Variants in CDH19 observed in about 807,000 individuals in gnomAD.
CDH19 encodes the protein cadherin 19, also known as cadherin-19.
A neutral mutation model predicts 64.2 loss-of-function variants in CDH19; 67 were observed. That is an observed-to-expected ratio of 1.04 (90% CI 0.86 to 1.28). CDH19 has a LOEUF of 1.28. CDH19 is among the 50% of genes most tolerant of loss of function. The pLI is 0.00. For missense variants in CDH19, 1,030 were observed against 929.0 expected (o/e 1.11, Z -1.41); for synonymous variants, 346 against 319.3 (o/e 1.08, Z -0.89).
intron 5 of CDH19, among the ~76,000 whole-genome samples, chr18:66,548,280 A>G (rs1987212465): frequency 6.8e-6 from 1 of 147,846 alleles, no homozygotes; most frequent in Non-Finnish European, 1.5e-5. Context: ...AAAATATATA[A>G]TATATGAAGT....
intron 11 of CDH19, among the ~76,000 whole-genome samples, chr18:66,508,282 G>A (rs1417130394): frequency 9.2e-5 from 14 of 151,866 alleles, no homozygotes; most frequent in African/African-American, 2.4e-5. Context: ...AAGACACAAA[G>A]TTTCAGTTAG....
intron 1 of CDH19, among the ~76,000 whole-genome samples, chr18:66,579,636 G>T (rs1988367449): frequency 6.6e-6 from 1 of 151,994 alleles, no homozygotes; most frequent in Non-Finnish European, 1.5e-5. Context: ...GAAAGATATT[G>T]CTCTAGATTA....
At chr18:66,535,320 T>C (rs1199651704) in intron 7 of CDH19, among the ~76,000 whole-genome samples, 1 of 151,612 alleles carries the variant, frequency 6.6e-6, no homozygotes, top group Non-Finnish European at 1.5e-5. Context: ...TAGATTTAAA[T>C]TGATGGATGC....
chr18:66,578,894 TTG>T (rs1486049126), intron 1 of CDH19, among the ~76,000 whole-genome samples: 1 of 151,744 alleles, frequency 6.6e-6, no homozygotes, highest in Non-Finnish European at 1.5e-5. Context: ...CAAATTCAGG[TTG>T]TGTGTTTCCT....
In CDH19 at chr18:66,600,514, G is replaced by C. The variant is rs538427301; in HGVS notation, c.-113+3440C>G. 5.3e-5 allele frequency among the ~76,000 whole-genome samples: 8 copies of C among 151,664 alleles called. No individual in the cohort carries two copies. In the South Asian group the frequency reaches 1.7e-3, roughly 32 times the overall value. The stretch of plus-strand genomic sequence containing the variant: ...TTAAGAATTGTATGTTTTAAACACT[G>C]GTTTAAAAATGCAATACACACACAC... On this transcript the variant is annotated intron_variant, in intron 1 of 11. Transcript: ENST00000262150.
At chr18:66,593,111 A>G (rs1446131455) in intron 1 of CDH19, among the ~76,000 whole-genome samples, 2 of 151,770 alleles carry the variant, frequency 1.3e-5, no homozygotes, top group Non-Finnish European at 2.9e-5. Flanking sequence ...GGGTGAAATA[A>G]TATCTCATTG....
chr18:66,509,181 T>A lies in CDH19; in HGVS notation c.1642A>T (p.Ile548Phe), dbSNP rs1013855720. ...FNLQEEPVFY[I>F]SILIADNGIP... Reference sequence around the variant, plus strand: ...CCATTGTCGGCAATTAAGATGGAGATGTAGAAGACAGGTTCTTCTTGAAGG... The same window carrying A: ...CCATTGTCGGCAATTAAGATGGAGAAGTAGAAGACAGGTTCTTCTTGAAGG... The change falls in exon 11 of 12, where the codon ATC becomes TTC. Residue 548 changes from isoleucine to phenylalanine, a missense_variant. Ile to Phe is a conservative substitution (Grantham distance 21, BLOSUM62 0). Coordinates refer to ENST00000262150, the MANE Select transcript of CDH19 (RefSeq NM_021153.4). 1 of 1,612,746 alleles carries A rather than the reference T, an allele frequency of 6.2e-7. No homozygotes were observed. Among genetic ancestry groups the A allele is most frequent in the Admixed American group, 1.7e-5 (1 of 59,842 alleles).
intron 3 of CDH19, among the ~76,000 whole-genome samples, chr18:66,563,377 T>G (rs1987793387): frequency 6.6e-6 from 1 of 152,068 alleles, no homozygotes; most frequent in African/African-American, 2.4e-5. Context: ...AGATATAAAT[T>G]TAATGGAAAA....
intron 3 of CDH19, among the ~76,000 whole-genome samples, chr18:66,564,894 T>C (rs1987852539): frequency 6.6e-6 from 1 of 151,666 alleles, no homozygotes; most frequent in South Asian, 2.1e-4. Context: ...TTATAAGGTT[T>C]TAGGTAAAAC....
Position 66,543,657 on chromosome 18 carries a change from G to A in CDH19, c.1214+314C>T, listed in dbSNP as rs540572296. 3.0e-4 allele frequency among the ~76,000 whole-genome samples: 46 copies of A among 152,142 alleles called. 2 individuals are homozygous for A. The highest frequency in any genetic ancestry group is 1.1e-3 in the African/African-American group (45 of 41,548). ...GCCAGCATTTTGGGAGGCCGAGGCC[G>A]GTGGATCACGAGGTCAGGAGTTCGA... On this transcript the variant is annotated intron_variant, in intron 7 of 11. Transcript: ENST00000262150.
intron 1 of CDH19, among the ~76,000 whole-genome samples, chr18:66,575,971 TG>T: frequency 6.6e-6 from 1 of 151,708 alleles, no homozygotes; most frequent in South Asian, 2.1e-4. Flanking sequence ...ATATATAAAG[TG>T]GTATGATATA....
intron 8 of CDH19, chr18:66,532,552 C>A: frequency 1.4e-5 from 4 of 282,950 alleles, no homozygotes; most frequent in South Asian, 6.4e-5. Flanking sequence ...AAAAAAAAAG[C>A]TTTGTATGTA....
At chr18:66,595,888 C>T (rs1568215141) in intron 1 of CDH19, among the ~76,000 whole-genome samples, 1 of 152,032 alleles carries the variant, frequency 6.6e-6, no homozygotes, top group Non-Finnish European at 1.5e-5. Context: ...GGCCAATATC[C>T]TGGTGAACAT....
At chr18:66,558,178 T>TAA (rs936744359) in intron 3 of CDH19, among the ~76,000 whole-genome samples, 8 of 147,740 alleles carry the variant, frequency 5.4e-5, no homozygotes, top group Non-Finnish European at 1.2e-4. Context: ...TATATATATA[T>TAA]AATATATATA....
chr18:66,517,604 T>C (rs1356728763), intron 9 of CDH19, among the ~76,000 whole-genome samples: 2 of 152,030 alleles, frequency 1.3e-5, no homozygotes, highest in African/African-American at 4.8e-5. Flanking sequence ...TCCTCCAGAG[T>C]AGAGTGTGAC....
At position 66,509,032 on chromosome 18, in the gene CDH19, G is replaced by A. The variant is rs3764472; in HGVS notation, c.1791C>T (p.Val597=). ...TAATGCAAATGAGAATAGCAATGATGACTTCTGTCTTGAATCCCATGGAAA... is the reference window on the plus strand; with the variant it reads ...TAATGCAAATGAGAATAGCAATGATAACTTCTGTCTTGAATCCCATGGAAA... ...LVLSMGFKTE[V]IIAILICIMI... Residue 597 remains valine (V), a synonymous_variant, in exon 11 of 12, where the codon GTC becomes GTT. Transcript: ENST00000262150. The A allele has an allele frequency of 0.017, 26,650 of 1,611,996 alleles. 1,333 individuals are homozygous for A. Among genetic ancestry groups the A allele is most frequent in the East Asian group, 0.16 (7,321 of 44,784 alleles).
intron 8 of CDH19, chr18:66,532,519 C>CACACACACAG (rs957423260): frequency 1.6e-4 from 47 of 294,666 alleles, no homozygotes; most frequent in African/African-American, 3.1e-4. Flanking sequence ...CACACACACA[C>CACACACACAG]AGAGAAAGAG....
chr18:66,590,282 T>G (rs1053066470), intron 1 of CDH19, among the ~76,000 whole-genome samples: 2 of 151,966 alleles, frequency 1.3e-5, no homozygotes, highest in African/African-American at 4.8e-5. Context: ...TACTCTGTGA[T>G]GATTACTATG....
intron 10 of CDH19, among the ~76,000 whole-genome samples, chr18:66,510,583 AAATAATAAT>A (rs58115682): frequency 0.24 from 33,170 of 139,214 alleles, 4,028 homozygotes; most frequent in East Asian, 0.3. Context: ...AGTCTGCAAC[AAATAATAAT>A]AATAATAATA....
Sources: gnomAD v4.1 joint callset for allele counts (sites outside exome capture counted in the v4.1 genomes callset) on GRCh38, gnomAD v4.1.1 for gene constraint, MANE v1.5 for transcripts, NCBI Gene and HGNC (gene_info 2026-07-23, HGNC 2026-07-21) for gene names.